Variants in KLHL2 observed in about 807,000 individuals in gnomAD.
The protein encoded by KLHL2 is kelch like family member 2.
KLHL2 carries 15 observed loss-of-function variants against 75.8 expected under a neutral mutation model. The observed-to-expected ratio is 0.20, with a 90% confidence interval of 0.13 to 0.30. The LOEUF (loss-of-function observed/expected upper bound fraction) is 0.30, where lower values mean the gene tolerates loss of function less well. Ranked by LOEUF, KLHL2 falls within the 10% of genes least tolerant of loss-of-function variation. The pLI is 1.00. For missense variants in KLHL2, 381 were observed against 741.0 expected (o/e 0.51, Z 5.64); for synonymous variants, 214 against 251.9 (o/e 0.85, Z 1.42).
chr4:165,258,260 C>T (rs1017104981), intron 4 of KLHL2, among the ~76,000 whole-genome samples: 1 of 151,890 alleles, frequency 6.6e-6, no homozygotes, highest in Non-Finnish European at 1.5e-5. Flanking sequence ...TATAATTGCT[C>T]CATCTTTGAT....
chr4:165,298,808 G>A (rs1579153069), intron 7 of KLHL2, among the ~76,000 whole-genome samples: 1 of 152,018 alleles, frequency 6.6e-6, no homozygotes, highest in Admixed American at 6.6e-5. Context: ...ATGGTGGCAG[G>A]TGCCTGTAGT....
At chr4:165,228,371 ATT>A (rs113698961) in intron 2 of KLHL2, among the ~76,000 whole-genome samples, 7 of 143,950 alleles carry the variant, frequency 4.9e-5, no homozygotes, top group Admixed American at 6.9e-5. Flanking sequence ...GTCTTTTAAG[ATT>A]TTTTTTTTTT....
At chr4:165,295,651 A>G (rs1744853140) in intron 6 of KLHL2, among the ~76,000 whole-genome samples, 2 of 152,222 alleles carry the variant, frequency 1.3e-5, no homozygotes, top group Non-Finnish European at 2.9e-5. Context: ...GTTCAGATGT[A>G]TATTTCAAGT....
intron 9 of KLHL2, among the ~76,000 whole-genome samples, chr4:165,310,173 A>G (rs1392949724): frequency 6.6e-6 from 1 of 152,064 alleles, no homozygotes; most frequent in African/African-American, 2.4e-5. Flanking sequence ...AAAATACAAA[A>G]AATTAGTTGG....
At position 165,314,013 on chromosome 4, in the gene KLHL2, T is replaced by C. The variant is rs1746416479; in HGVS notation, c.1469-13T>C. 1 of 1,606,808 alleles carries C rather than the reference T, an allele frequency of 6.2e-7. No individual in the cohort carries two copies. The highest frequency in any genetic ancestry group is 1.7e-5 in the Admixed American group (1 of 58,610). On this transcript the variant is annotated splice_polypyrimidine_tract_variant and intron_variant, in intron 12 of 14. Transcript: ENST00000226725. Reference sequence around the variant, plus strand: ...TCTTTTTGCCCCTCTATTTGGCTGGTTGTGTTTTATAGGTGTTGGTGTGTT... The same window carrying C: ...TCTTTTTGCCCCTCTATTTGGCTGGCTGTGTTTTATAGGTGTTGGTGTGTT...
intron 2 of KLHL2, among the ~76,000 whole-genome samples, chr4:165,227,781 C>G (rs1560985386): frequency 6.6e-6 from 1 of 152,118 alleles, no homozygotes; most frequent in Non-Finnish European, 1.5e-5. Flanking sequence ...TGATCTGGCA[C>G]CACGCATTGC....
rs766147340 is a variant in KLHL2 at position 165,314,141 on chromosome 4, T to C, written c.1584T>C (p.Asp528=). ...PTTNAWRQVA[D]MNMCRRNAGV... Reference sequence around the variant, plus strand: ...CTAACGCATGGAGACAGGTTGCAGATATGAACATGTGCAGAAGAAATGCAG... The same window carrying C: ...CTAACGCATGGAGACAGGTTGCAGACATGAACATGTGCAGAAGAAATGCAG... The change falls in exon 13 of 15, where the codon GAT becomes GAC. Residue 528 remains aspartate, a synonymous_variant. Transcript: ENST00000226725. 18 of 1,613,300 alleles carry C rather than the reference T, an allele frequency of 1.1e-5. No homozygotes were observed. In the South Asian group the frequency reaches 2.0e-4, roughly 18 times the overall value.
intron 5 of KLHL2, among the ~76,000 whole-genome samples, chr4:165,274,173 T>G (rs534270653): frequency 3.6e-4 from 54 of 152,094 alleles, no homozygotes; most frequent in African/African-American, 1.3e-3. Context: ...TAAATAGCAA[T>G]AGATGACTCA....
chr4:165,254,932 A>G (rs1363269132), intron 4 of KLHL2, among the ~76,000 whole-genome samples: 1 of 152,222 alleles, frequency 6.6e-6, no homozygotes, highest in Non-Finnish European at 1.5e-5. Flanking sequence ...ATGAGGTAGA[A>G]TGTTCAATCC....
At chr4:165,253,452 G>C (rs11730744) in intron 4 of KLHL2, among the ~76,000 whole-genome samples, 58 of 152,278 alleles carry the variant, frequency 3.8e-4, no homozygotes, top group Admixed American at 1.6e-3. Context: ...AAAAAAGTTT[G>C]TATATAATCA....
intron 5 of KLHL2, among the ~76,000 whole-genome samples, chr4:165,271,271 C>T (rs908346749): frequency 1.3e-5 from 2 of 152,064 alleles, no homozygotes; most frequent in Non-Finnish European, 2.9e-5. Context: ...GTTGATTCTT[C>T]TAGTCTGTGA....
rs55960426 is a variant in KLHL2 at position 165,264,585 on chromosome 4, CAT to C, written c.544+1246_544+1247del. On this transcript the variant is annotated intron_variant, in intron 5 of 14. Transcript: ENST00000226725. ...TTTTTATGGCAGAGTAGTATTCCAT[CAT>C]ATATATATATATATATATACACACA... Among the ~76,000 whole-genome samples the C allele has an allele frequency of 7.8e-3, 1,008 of 129,254 alleles. 6 individuals are homozygous for C. The highest frequency in any genetic ancestry group is 0.02 in the South Asian group (81 of 4,096). The allele number at this position is 129,254 out of a possible 152,430, so 84.8% of individuals were successfully genotyped here. A position where few individuals can be genotyped will look rare whatever the true frequency, so the allele number is the denominator to read the frequency against.
chr4:165,322,063 C>T lies in KLHL2; in HGVS notation c.*3C>T. ...CAGTTATTGATAAACCATTATGAGC[C>T]TGAAGGACATTTTCAGCATATTTAT... On this transcript the variant is annotated 3_prime_UTR_variant, in exon 15 of 15. Coordinates refer to ENST00000226725, the MANE Select transcript of KLHL2 (RefSeq NM_007246.4). 1 of 1,612,946 alleles carries T rather than the reference C, an allele frequency of 6.2e-7. No homozygotes were observed. The highest frequency in any genetic ancestry group is 1.3e-5 in the African/African-American group (1 of 74,996).
chr4:165,294,995 A>G (rs867846210), intron 6 of KLHL2, among the ~76,000 whole-genome samples: 1 of 152,110 alleles, frequency 6.6e-6, no homozygotes, highest in African/African-American at 2.4e-5. Flanking sequence ...CACCCCTGCC[A>G]GTCCGTTCAG....
At chr4:165,261,639 T>C (rs1375048369) in intron 4 of KLHL2, among the ~76,000 whole-genome samples, 1 of 152,212 alleles carries the variant, frequency 6.6e-6, no homozygotes, top group Non-Finnish European at 1.5e-5. Flanking sequence ...ACGCCTGACC[T>C]ATTTTTCTTA....
At chr4:165,216,814 G>A (rs987539259) in intron 1 of KLHL2, among the ~76,000 whole-genome samples, 1 of 152,174 alleles carries the variant, frequency 6.6e-6, no homozygotes, top group South Asian at 2.1e-4. Flanking sequence ...AGTGACTCTC[G>A]GTACAGAGAA....
At chr4:165,272,078 C>T (rs1375285234) in intron 5 of KLHL2, among the ~76,000 whole-genome samples, 6 of 152,142 alleles carry the variant, frequency 3.9e-5, no homozygotes. Flanking sequence ...AAACAAAAAC[C>T]ACAGTGCTTC....
At position 165,319,755 on chromosome 4, in the gene KLHL2, G is replaced by A. The variant is rs964561451; in HGVS notation, c.1753+1786G>A. On this transcript the variant is annotated intron_variant, in intron 14 of 14. Transcript: ENST00000226725. The surrounding 1 kb of genome is among the most constrained non-coding windows in gnomAD (Gnocchi z 4.5). ...TCATGCCTCAGCTTCCTGAGTAGCT[G>A]GGATTACAGGGATGTGCCACCACAC... 1.3e-5 allele frequency among the ~76,000 whole-genome samples: 2 copies of A among 152,014 alleles called. No individual in the cohort carries two copies. The highest frequency in any genetic ancestry group is 4.8e-5 in the African/African-American group (2 of 41,380).
At chr4:165,213,895 T>A (rs1252070258) in intron 1 of KLHL2, among the ~76,000 whole-genome samples, 1 of 152,230 alleles carries the variant, frequency 6.6e-6, no homozygotes, top group Non-Finnish European at 1.5e-5. Context: ...CTTCTAAACT[T>A]TGTTTACATT....
Sources: gnomAD v4.1 joint callset for allele counts (sites outside exome capture counted in the v4.1 genomes callset) on GRCh38, gnomAD v4.1.1 for gene constraint, Gnocchi (gnomAD v3.1) non-coding constraint, MANE v1.5 for transcripts, NCBI Gene and HGNC (gene_info 2026-07-23, HGNC 2026-07-21) for gene names.